The following EPM2A variants were observed in gnomAD, a reference collection of about 807,000 sequenced individuals.
The protein encoded by EPM2A is EPM2A glucan phosphatase, laforin.
A neutral mutation model predicts 26.5 loss-of-function variants in EPM2A; 21 were observed. The observed-to-expected ratio is 0.79, with a 90% CI of 0.56 to 1.14. The LOEUF (loss-of-function observed/expected upper bound fraction) is 1.14. Ranked by LOEUF, EPM2A falls within the 50% of genes most tolerant of loss-of-function variation. EPM2A has a pLI of 0.00. For missense variants in EPM2A, 458 were observed against 440.8 expected, an observed-to-expected ratio of 1.04 and a Z score of -0.35; for synonymous variants, 217 against 177.6, an observed-to-expected ratio of 1.22 and a Z score of -1.76.
intron 4 of EPM2A, among the ~76,000 whole-genome samples, chr6:145,388,486 C>CT (rs901799113): frequency 2.0e-5 from 3 of 151,294 alleles, no homozygotes; most frequent in Admixed American, 6.6e-5. Flanking sequence ...AGACCAATTT[C>CT]TTTTTTTTTA....
chr6:145,581,265 G>A (rs1781109014), intron 2 of EPM2A, among the ~76,000 whole-genome samples: 1 of 151,908 alleles, frequency 6.6e-6, no homozygotes, highest in African/African-American at 2.4e-5. Flanking sequence ...TGATGTGGAG[G>A]GTTTTTCATG....
At chr6:145,688,844 C>T (rs1781096898) in intron 1 of EPM2A, among the ~76,000 whole-genome samples, 1 of 152,034 alleles carries the variant, frequency 6.6e-6, no homozygotes, top group Non-Finnish European at 1.5e-5. Context: ...TAAACATAGA[C>T]TACAAACTGG....
intron 2 of EPM2A, among the ~76,000 whole-genome samples, chr6:145,583,940 G>A (rs1036556904): frequency 1.1e-4 from 17 of 152,218 alleles, no homozygotes; most frequent in Non-Finnish European, 2.5e-4. Flanking sequence ...AGGGTGGTGG[G>A]GGGGTGAGGT....
chr6:145,491,776 T>C (rs934761329), intron 4 of EPM2A: 1 of 533,288 alleles, frequency 1.9e-6, no homozygotes, highest in Admixed American at 1.9e-5. Flanking sequence ...ACTCTGCTGC[T>C]TTCCATACAT....
At chr6:145,497,120 T>C (rs1189443772), downstream of EPM2A, among the ~76,000 whole-genome samples, 1 of 152,164 alleles carries the variant, frequency 6.6e-6, no homozygotes, top group Non-Finnish European at 1.5e-5. Flanking sequence ...AATGTGGTCA[T>C]TTGAAGGAAA....
chr6:145,733,028 GCTCT>G (rs1448302336), intron 1 of EPM2A, among the ~76,000 whole-genome samples: 9 of 152,142 alleles, frequency 5.9e-5, no homozygotes, highest in African/African-American at 2.2e-4. Flanking sequence ...TTCTCATAAA[GCTCT>G]CTGTTAATTT....
chr6:145,401,080 C>T (rs1411422017), intron 4 of EPM2A, among the ~76,000 whole-genome samples: 2 of 151,994 alleles, frequency 1.3e-5, no homozygotes, highest in Admixed American at 1.3e-4. Flanking sequence ...TGTAATAATA[C>T]ATCAGCAAAT....
chr6:145,507,452 C>G (rs917069335), intron 2 of EPM2A, among the ~76,000 whole-genome samples: 8 of 152,160 alleles, frequency 5.3e-5, no homozygotes, highest in African/African-American at 1.9e-4. Context: ...ATTCACCTTT[C>G]CACTAGGGAT....
intron 4 of EPM2A, among the ~76,000 whole-genome samples, chr6:145,405,341 T>C (rs1388951942): frequency 6.6e-6 from 1 of 152,146 alleles, no homozygotes; most frequent in Non-Finnish European, 1.5e-5. Context: ...CTGAACTGAA[T>C]GTCTGCGTGT....
chr6:145,733,417 T>C (rs1776611899), intron 1 of EPM2A, among the ~76,000 whole-genome samples: 1 of 152,156 alleles, frequency 6.6e-6, no homozygotes, highest in Non-Finnish European at 1.5e-5. Flanking sequence ...CAATATCTAT[T>C]GCCTAATTTT....
At chr6:145,497,502 C>T (rs777954773), downstream of EPM2A, among the ~76,000 whole-genome samples, 16 of 152,196 alleles carry the variant, frequency 1.1e-4, no homozygotes, top group Non-Finnish European at 2.2e-4. Context: ...GGAGGTCTCG[C>T]ACAGTCAGGA....
At chr6:145,724,154 C>A (rs2128640708) in intron 1 of EPM2A, among the ~76,000 whole-genome samples, 1 of 152,126 alleles carries the variant, frequency 6.6e-6, no homozygotes, top group Admixed American at 6.6e-5. Flanking sequence ...AGGAACCTTA[C>A]ATAGAACAAG....
Position 145,454,914 on chromosome 6 carries a change from C to T in EPM2A, c.555+47608G>A, listed in dbSNP as rs1305723869. ...GTGAAATTAAATTGAATATTAATAA[C>T]AAAGAATTACTAGAAAAACTAAATA... On this transcript the variant is annotated intron_variant, in intron 4 of 4. Coordinates refer to the EPM2A transcript ENST00000638717. Among the ~76,000 whole-genome samples the T allele has an allele frequency of 1.6e-4, 24 of 152,060 alleles. 1 individual carries two copies. The highest frequency in any genetic ancestry group is 1.4e-3 in the Admixed American group (22 of 15,284).
chr6:145,489,848 G>C, intron 4 of EPM2A: 3 of 1,442,896 alleles, frequency 2.1e-6, no homozygotes, highest in Non-Finnish European at 1.9e-6. Flanking sequence ...ACTTCCACTG[G>C]CACCTGATTT....
chr6:145,605,292 C>T (rs763881231), intron 2 of EPM2A, among the ~76,000 whole-genome samples: 21 of 152,124 alleles, frequency 1.4e-4, no homozygotes, highest in African/African-American at 5.1e-4. Flanking sequence ...TACTTGGTAA[C>T]TAAAGCATCC....
rs1777492652 is a variant in EPM2A, at chr6:145,646,680, T to C, written c.477-11194A>G. Among the ~76,000 whole-genome samples, 4 of 152,262 alleles carry C rather than the reference T, an allele frequency of 2.6e-5. 1 individual carries two copies. In the South Asian group the frequency reaches 8.3e-4, roughly 32 times the overall value. On this transcript the variant is annotated intron_variant, in intron 2 of 3. Transcript: ENST00000367519. ...TCCCTTCAATTTATACACTCCTAGA[T>C]ATCTCACTGACATACATCGCTTTTA...
chr6:145,437,346 A>C (rs1045425789), intron 4 of EPM2A, among the ~76,000 whole-genome samples: 1 of 152,192 alleles, frequency 6.6e-6, no homozygotes, highest in Non-Finnish European at 1.5e-5. Context: ...GAGTTGGTTA[A>C]ACCTCTGTTC....
intron 4 of EPM2A, chr6:145,463,509 T>C (rs149606026): frequency 6.6e-6 from 1 of 152,130 alleles, no homozygotes; most frequent in East Asian, 1.9e-4. Flanking sequence ...TTTAAACACA[T>C]TTTTTTACCA....
At chr6:145,603,227 C>CT (rs764426292) in intron 2 of EPM2A, among the ~76,000 whole-genome samples, 4 of 151,170 alleles carry the variant, frequency 2.6e-5, no homozygotes, top group Non-Finnish European at 4.4e-5. Context: ...CTATGAAATT[C>CT]TTTTTTCTGC....
Sources: gnomAD v4.1 joint callset for allele counts (sites outside exome capture counted in the v4.1 genomes callset) on GRCh38, gnomAD v4.1.1 for gene constraint, MANE v1.5 for transcripts, NCBI Gene and HGNC (gene_info 2026-07-23, HGNC 2026-07-21) for gene names.